CLUL1: variants seen among roughly 807,000 people sequenced by gnomAD.
CLUL1 encodes clusterin-like protein 1.
In CLUL1, 43 loss-of-function variants were observed where a neutral mutation model predicts 49.4. That is an observed-to-expected ratio of 0.87 (90% CI 0.68 to 1.12). The LOEUF (loss-of-function observed/expected upper bound fraction) is 1.12. CLUL1 is among the 50% of genes most tolerant of loss of function. The pLI is 0.00. For synonymous variants in CLUL1, 192 were observed against 184.9 expected (o/e 1.04, Z -0.31); for missense variants, 486 against 544.4 (o/e 0.89, Z 1.07).
chr18:635,884 G>A (rs1442751406), intron 7 of CLUL1, among the ~76,000 whole-genome samples: 3 of 151,976 alleles, frequency 2.0e-5, no homozygotes, highest in African/African-American at 7.2e-5. Context: ...TTACAGGCAC[G>A]CGCCACCATA....
Position 618,178 on chromosome 18 carries a change from C to G in CLUL1, c.106+72C>G. 8.9e-7 allele frequency: 1 copy of G among 1,129,214 alleles called. No homozygotes were observed. The highest frequency in any genetic ancestry group is 1.3e-6 in the Non-Finnish European group (1 of 749,148). 69.9% of individuals were successfully genotyped at this position (1,129,214 alleles called of 1,614,324 possible). ...TGTCCTGCTGGCGTTTATAGTGAGT[C>G]GCAGTTGAGAGATAACCATATTCGC... On this transcript the variant is annotated intron_variant, in intron 3 of 9. Coordinates refer to ENST00000692774, the MANE Select transcript of CLUL1 (RefSeq NM_001393344.1). The surrounding 1 kb of genome is among the most constrained non-coding windows in gnomAD (Gnocchi z 4.2).
At chr18:620,015 AT>A (rs1191208742) in intron 4 of CLUL1, among the ~76,000 whole-genome samples, 1 of 151,986 alleles carries the variant, frequency 6.6e-6, no homozygotes, top group African/African-American at 2.4e-5. Flanking sequence ...TGGCCCAGAG[AT>A]TTTTGGTCTC....
chr18:600,579 G>T (rs2072799997), intron 1 of CLUL1, among the ~76,000 whole-genome samples: 1 of 152,194 alleles, frequency 6.6e-6, no homozygotes, highest in Non-Finnish European at 1.5e-5. Flanking sequence ...GAAACCTGAG[G>T]AAATTTGTGG....
rs1229565154 is a variant in CLUL1 at position 649,878 on chromosome 18, C to CT, written c.1398-20_1398-19insT. The CT allele has an allele frequency of 2.3e-6, 3 of 1,282,596 alleles. No homozygotes were observed. The highest frequency in any genetic ancestry group is 1.6e-5 in the African/African-American group (1 of 63,958). The allele number at this position is 1,282,596 out of a possible 1,614,324, so 79.5% of individuals were successfully genotyped here. A position where few individuals can be genotyped will look rare whatever the true frequency, so the allele number is the denominator to read the frequency against. On this transcript the variant is annotated intron_variant, in intron 9 of 9. Coordinates refer to ENST00000692774, the MANE Select transcript of CLUL1 (RefSeq NM_001393344.1). ...TTTATTAGTATTTTGATCATTGCTGCCTTTTTTTTTTTTTTTAAGGTAAGA... is the reference window on the plus strand; with the variant it reads ...TTTATTAGTATTTTGATCATTGCTGCTCTTTTTTTTTTTTTTTAAGGTAAGA...
At chr18:599,118 A>G (rs2143905873) in intron 1 of CLUL1, among the ~76,000 whole-genome samples, 1 of 152,364 alleles carries the variant, frequency 6.6e-6, no homozygotes, top group East Asian at 1.9e-4. Context: ...ATTTAACTTC[A>G]TTCTTAATTC....
At chr18:628,639 CTTTTT>C (rs577855173) in intron 6 of CLUL1, among the ~76,000 whole-genome samples, 1 of 137,588 alleles carries the variant, frequency 7.3e-6, no homozygotes, top group African/African-American at 2.7e-5. Flanking sequence ...TTTCTTTTTT[CTTTTT>C]TTTTTTTTTT....
intron 2 of CLUL1, among the ~76,000 whole-genome samples, chr18:609,275 C>T (rs1159886859): frequency 6.6e-6 from 1 of 152,182 alleles, no homozygotes; most frequent in Admixed American, 6.5e-5. Context: ...GTCTTTCATT[C>T]CTGATTCCGA....
intron 1 of CLUL1, chr18:598,302 C>T (rs897977298): frequency 2.2e-5 from 8 of 367,670 alleles, no homozygotes; most frequent in Non-Finnish European, 3.9e-5. Flanking sequence ...ATCACTTAAA[C>T]TTTGCGTGAC....
Position 627,340 on chromosome 18 carries a change from C to G in CLUL1, c.667C>G (p.Leu223Val), listed in dbSNP as rs2073839676. The change falls in exon 6 of 10, where the codon CTA (leucine) becomes GTA (valine). Residue 223 changes from leucine (L) to valine (V), a missense_variant. Leu to Val is a conservative substitution (Grantham distance 32, BLOSUM62 1). Coordinates refer to ENST00000692774, the MANE Select transcript of CLUL1 (RefSeq NM_001393344.1). ...FQSHFISDTD[L>V]TEPYFFPAFS... is the part of the protein sequence containing the mutation. Reference sequence around the variant, plus strand: ...ATCACATTTCATATCAGATACAGACCTAACTGAGCCTTACTTTTTTCCAGC... The same window carrying G: ...ATCACATTTCATATCAGATACAGACGTAACTGAGCCTTACTTTTTTCCAGC... The G allele has an allele frequency of 6.2e-7, 1 of 1,614,022 alleles. No homozygotes were observed. The highest frequency in any genetic ancestry group is 2.2e-5 in the East Asian group (1 of 44,852).
chr18:638,772 C>T (rs147729904), intron 7 of CLUL1, among the ~76,000 whole-genome samples: 20,957 of 151,668 alleles, frequency 0.14, 2,136 homozygotes, highest in African/African-American at 0.29. Flanking sequence ...GCAGGAGAAT[C>T]GCTTGAAACC....
chr18:597,448 G>A (rs2072683015), intron 1 of CLUL1, among the ~76,000 whole-genome samples: 1 of 152,186 alleles, frequency 6.6e-6, no homozygotes, highest in South Asian at 2.1e-4. Context: ...AAGCGGAGCC[G>A]GGTGTGGTGG....
chr18:616,072 T>G (rs563328), intron 2 of CLUL1, among the ~76,000 whole-genome samples: 142,751 of 152,072 alleles, frequency 0.94, 67,670 homozygotes, highest in East Asian at 1. Context: ...GAGATTTCAG[T>G]TGCCAGAGAG....
intron 2 of CLUL1, chr18:613,413 C>T (rs1021323011): frequency 3.6e-5 from 9 of 248,470 alleles, no homozygotes; most frequent in African/African-American, 2.1e-4. Context: ...GTTGGGATTA[C>T]AGGCATGAGC....
At position 650,004 on chromosome 18, in the gene CLUL1, G is replaced by A. The variant is rs1283054143; in HGVS notation, c.*103G>A. 3 of 808,046 alleles carry A rather than the reference G, an allele frequency of 3.7e-6. No individual in the cohort carries two copies. The African/African-American group carries it at 5.2e-5, about 14-fold the overall frequency. The allele number at this position is 808,046 out of a possible 1,614,324, so 50.1% of individuals were successfully genotyped here. The stretch of plus-strand genomic sequence containing the variant: ...GATAATGCAATAAACACAGTTGCAG[G>A]AAAGTATGTTAGCTATATACTATGA... On this transcript the variant is annotated 3_prime_UTR_variant, in exon 10 of 10. Transcript: ENST00000692774.
At chr18:633,512 A>G in intron 7 of CLUL1, 77 bp downstream of exon 7, 3 of 1,257,372 alleles carry the variant, frequency 2.4e-6, no homozygotes, top group Non-Finnish European at 3.4e-6. Context: ...CGGTGCCACA[A>G]AAGAAATAGC....
At chr18:624,794 A>T in intron 4 of CLUL1, 71 bp from the exon 5 acceptor site, 4 of 1,444,618 alleles carry the variant, frequency 2.8e-6, no homozygotes, top group Non-Finnish European at 3.8e-6. Flanking sequence ...TACATTTCAA[A>T]GGGTGAAATC....
Position 606,154 on chromosome 18 carries a change from A to G in CLUL1, c.-135-824A>G, listed in dbSNP as rs1449601668. The stretch of plus-strand genomic sequence containing the variant: ...AACACCCCTCCCCCAGATGGTATTT[A>G]GCGCCTCTGGCTGGGAACGGCTTCC... On this transcript the variant is annotated intron_variant, in intron 1 of 9. Coordinates refer to ENST00000692774, the MANE Select transcript of CLUL1 (RefSeq NM_001393344.1). This position sits in a 1 kb window ranked among gnomAD's most constrained non-coding sequence, Gnocchi z 4.1. Among the ~76,000 whole-genome samples the G allele has an allele frequency of 6.6e-6, 1 of 152,154 alleles. No homozygotes were observed. Among genetic ancestry groups the G allele is most frequent in the South Asian group, 2.1e-4 (1 of 4,832 alleles).
At chr18:609,968 GCT>G (rs1461977708) in intron 2 of CLUL1, among the ~76,000 whole-genome samples, 1 of 152,010 alleles carries the variant, frequency 6.6e-6, no homozygotes, top group Non-Finnish European at 1.5e-5. Context: ...CTATATATAT[GCT>G]CCTGTTTATA....
At position 650,081 on chromosome 18, in the gene CLUL1, G is replaced by A; in HGVS notation, c.*180G>A. 2.2e-6 allele frequency: 1 copy of A among 453,208 alleles called. No homozygotes were observed. The highest frequency in any genetic ancestry group is 3.1e-5 in the East Asian group (1 of 31,756). The allele number at this position is 453,208 out of a possible 1,614,324, so 28.1% of individuals were successfully genotyped here. ...TGGCTTAGCTATTAATACTCAAATT[G>A]AGTTAAAATGAAAATTCCTCCTTAA... On this transcript the variant is annotated 3_prime_UTR_variant, in exon 10 of 10. Coordinates refer to ENST00000692774, the MANE Select transcript of CLUL1 (RefSeq NM_001393344.1).
Sources: allele counts gnomAD v4.1 joint callset (sites outside exome capture counted in the v4.1 genomes callset), GRCh38; gene constraint gnomAD v4.1.1; non-coding constraint Gnocchi (gnomAD v3.1); transcripts MANE v1.5; gene names NCBI Gene and HGNC (gene_info 2026-07-23, HGNC 2026-07-21).